DHCR7: variants seen among roughly 807,000 people sequenced by gnomAD.
The protein encoded by DHCR7 is 7-DHC reductase.
Under a neutral mutation model 43.3 loss-of-function variants are expected in DHCR7, and 40 were observed. The observed-to-expected ratio is 0.92, with a 90% CI of 0.72 to 1.20. The LOEUF (loss-of-function observed/expected upper bound fraction) is 1.20, where lower values mean the gene tolerates loss of function less well. DHCR7 is among the 50% of genes most tolerant of loss of function. The probability of loss-of-function intolerance (pLI) is 0.00; values close to 1 mark genes in which losing one functional copy is unlikely to be tolerated. For synonymous variants in DHCR7, 298 were observed against 271.4 expected, an observed-to-expected ratio of 1.10 and a Z score of -0.96; for missense variants, 608 against 644.6, an observed-to-expected ratio of 0.94 and a Z score of 0.62.
At chr11:71,438,463 C>T (rs1221764430) in intron 7 of DHCR7, among the ~76,000 whole-genome samples, 2 of 152,174 alleles carry the variant, frequency 1.3e-5, no homozygotes, top group Non-Finnish European at 2.9e-5. Flanking sequence ...TCACCTGGCT[C>T]TGAGCTCCTG....
At chr11:71,436,750 C>T (rs962048783) in intron 8 of DHCR7, among the ~76,000 whole-genome samples, 1 of 152,174 alleles carries the variant, frequency 6.6e-6, no homozygotes, top group East Asian at 1.9e-4. Context: ...TTGGACTTGT[C>T]ACTCTTCAAT....
Position 71,441,390 on chromosome 11 carries a change from G to A in DHCR7, c.463C>T (p.His155Tyr). Reference sequence around the variant, plus strand: ...TGAGCGTTTGCAAACCAGAGCAGGTGCGTGAGGAGCCAGGCTTGCAGGCCA... The same window carrying A: ...TGAGCGTTTGCAAACCAGAGCAGGTACGTGAGGAGCCAGGCTTGCAGGCCA... ...INGLQAWLLTHLLWFANAHLL... is the reference protein window; with the variant it reads ...INGLQAWLLTYLLWFANAHLL... Residue 155 changes from histidine (H) to tyrosine (Y), a missense_variant, in exon 6 of 9, where the codon CAC becomes TAC. Transcript: ENST00000355527. 1 of 1,614,232 alleles carries A rather than the reference G, an allele frequency of 6.2e-7. No homozygotes were observed. Among genetic ancestry groups the A allele is most frequent in the Non-Finnish European group, 8.5e-7 (1 of 1,180,032 alleles).
chr11:71,442,176 A>G, intron 5 of DHCR7, 87 bp downstream of exon 5: 1 of 1,021,434 alleles, frequency 9.8e-7, no homozygotes, highest in African/African-American at 1.6e-5. Context: ...GACAAGTCTT[A>G]GGGACAAAGC....
chr11:71,446,432 T>C (rs1565590675), intron 2 of DHCR7, among the ~76,000 whole-genome samples: 3 of 152,214 alleles, frequency 2.0e-5, no homozygotes, highest in South Asian at 2.1e-4. Context: ...TTATTGACTA[T>C]TGTATGCACA....
chr11:71,442,279 C>T lies in DHCR7; in HGVS notation c.396G>A (p.Gly132=), dbSNP rs764707624. 1 of 1,613,364 alleles carries T rather than the reference C, an allele frequency of 6.2e-7. No homozygotes were observed. Among genetic ancestry groups the T allele is most frequent in the South Asian group, 1.1e-5 (1 of 90,908 alleles). ...LPGYVGGIQE[G]AVTPAGVVNK... ...GGAGGCTACCTGCAGGAGTCACGGC[C>T]CCCTCCTGGATGCCTCCTACGTAGC... The change falls in exon 5 of 9, where the codon GGG becomes GGA. Residue 132 remains glycine (G), a synonymous_variant. Transcript: ENST00000355527.
In DHCR7 at chr11:71,441,117, C is replaced by T. The variant is rs185244824; in HGVS notation, c.626+110G>A. 5.0e-5 allele frequency: 51 copies of T among 1,013,568 alleles called. 1 individual carries two copies. The highest frequency in any genetic ancestry group is 2.4e-4 in the Admixed American group (13 of 54,336). The allele number at this position is 1,013,568 out of a possible 1,614,324, so 62.8% of individuals were successfully genotyped here. A position where few individuals can be genotyped will look rare whatever the true frequency, so the allele number is the denominator to read the frequency against. On this transcript the variant is annotated intron_variant, in intron 6 of 8. Transcript: ENST00000355527. Reference sequence around the variant, plus strand: ...GTTCCATCCCCCTCCTCCTCTTCCACGGATTCTCAGTGCTCAGGGCTTTAC... The same window carrying T: ...GTTCCATCCCCCTCCTCCTCTTCCATGGATTCTCAGTGCTCAGGGCTTTAC...
In DHCR7 at chr11:71,435,712, G is replaced by A. The variant is rs567600444; in HGVS notation, c.1091C>T (p.Thr364Met). ...ANHQKDLFRRTDGRCLIWGRK... is the reference protein window; with the variant it reads ...ANHQKDLFRRMDGRCLIWGRK... ...GCCCCAGATGAGGCAGCGCCCATCC[G>A]TGCGGCGGAACAGGTCCTTCTGGTG... is the stretch of plus-strand genomic sequence containing the variant. The change falls in exon 9 of 9, where the codon ACG becomes ATG. Residue 364 changes from threonine to methionine, a missense_variant. Thr to Met is a moderately conservative substitution (Grantham distance 81, BLOSUM62 -1). Coordinates refer to ENST00000355527, the MANE Select transcript of DHCR7 (RefSeq NM_001360.3). The A allele has an allele frequency of 1.6e-4, 258 of 1,613,132 alleles. 3 individuals are homozygous for A. In the South Asian group the frequency reaches 2.5e-3, roughly 16 times the overall value.
At chr11:71,442,212 G>C (rs375015720) in intron 5 of DHCR7, 51 bp downstream of exon 5, 1 of 1,372,756 alleles carries the variant, frequency 7.3e-7, no homozygotes, top group Admixed American at 1.8e-5. Context: ...TGGCCCCTGA[G>C]AGAAAGGGAT....
intron 8 of DHCR7, 111 bp from the exon 9 acceptor site, chr11:71,435,950 C>T (rs1949276078): frequency 1.2e-6 from 1 of 846,680 alleles, no homozygotes; most frequent in East Asian, 2.7e-5. Flanking sequence ...GCCTCTGACA[C>T]ACGCCTTGCC....
intron 7 of DHCR7, chr11:71,438,648 C>T (rs888684059): frequency 1.7e-6 from 1 of 603,134 alleles, no homozygotes; most frequent in Non-Finnish European, 3.0e-6. Flanking sequence ...CTGGACCACG[C>T]CTGGCTGCGT....
chr11:71,445,748 C>T (rs561113542), intron 2 of DHCR7, among the ~76,000 whole-genome samples: 150 of 152,312 alleles, frequency 9.8e-4, no homozygotes, highest in Non-Finnish European at 1.8e-3. Flanking sequence ...TTGGGGGAAG[C>T]AGTGACATCC....
intron 4 of DHCR7, among the ~76,000 whole-genome samples, chr11:71,443,004 CTG>C (rs1949364983): frequency 6.6e-6 from 1 of 152,234 alleles, no homozygotes; most frequent in Admixed American, 6.5e-5. Context: ...CTTTCTGCCT[CTG>C]TGGATTTGCC....
chr11:71,442,194 G>T, intron 5 of DHCR7, 69 bp downstream of exon 5: 1 of 1,175,516 alleles, frequency 8.5e-7, no homozygotes, highest in South Asian at 1.3e-5. Context: ...AGCAGCGCTG[G>T]GGAGGACTGG....
downstream of DHCR7, chr11:71,434,279 C>T (rs530723639): frequency 2.8e-3 from 434 of 152,364 alleles, 1 homozygote; most frequent in African/African-American, 9.9e-3. Flanking sequence ...AATGCTTTGA[C>T]GCCGAGACCC....
intron 8 of DHCR7, among the ~76,000 whole-genome samples, chr11:71,436,850 T>C (rs912389722): frequency 6.6e-6 from 1 of 152,158 alleles, no homozygotes; most frequent in Non-Finnish European, 1.5e-5. Flanking sequence ...TAATATATAG[T>C]ATAAAAAATG....
At chr11:71,441,170 G>C in intron 6 of DHCR7, 57 bp downstream of exon 6, 1 of 1,541,806 alleles carries the variant, frequency 6.5e-7, no homozygotes, top group Non-Finnish European at 9.0e-7. Context: ...AGCAAGAAAG[G>C]CCAGGGGTGA....
intron 8 of DHCR7, among the ~76,000 whole-genome samples, chr11:71,437,043 G>A (rs1949290233): frequency 1.3e-5 from 2 of 152,196 alleles, no homozygotes; most frequent in South Asian, 4.1e-4. Flanking sequence ...AGGACCTGGT[G>A]TGAGCATGGG....
chr11:71,436,949 G>A (rs1427533880), intron 8 of DHCR7, among the ~76,000 whole-genome samples: 1 of 152,202 alleles, frequency 6.6e-6, no homozygotes, highest in African/African-American at 2.4e-5. Context: ...CTTGGAAAAT[G>A]GAGTTTATAA....
intron 6 of DHCR7, among the ~76,000 whole-genome samples, chr11:71,440,494 A>T (rs10898144): frequency 0.31 from 44,035 of 140,192 alleles, 7,367 homozygotes; most frequent in East Asian, 0.47. Flanking sequence ...GGTAGGTGGA[A>T]GGATGGGGAG....
Sources: allele counts gnomAD v4.1 joint callset (sites outside exome capture counted in the v4.1 genomes callset), GRCh38; gene constraint gnomAD v4.1.1; transcripts MANE v1.5; gene names NCBI Gene and HGNC (gene_info 2026-07-23, HGNC 2026-07-21).